The following FAM3D variants were observed in gnomAD, a reference collection of about 807,000 sequenced individuals.
FAM3D encodes protein FAM3D.
FAM3D carries 26 observed loss-of-function variants against 29.8 expected under a neutral mutation model. That is an observed-to-expected ratio of 0.87 (90% CI 0.64 to 1.21). The LOEUF is 1.21. FAM3D is among the 50% of genes most tolerant of loss of function. The pLI is 0.00. For missense variants in FAM3D, 253 were observed against 290.9 expected, an observed-to-expected ratio of 0.87 and a Z score of 0.95; for synonymous variants, 115 against 102.3, an observed-to-expected ratio of 1.12 and a Z score of -0.75.
intron 8 of FAM3D, 84 bp from the exon 9 acceptor site, chr3:58,636,504 C>T: frequency 1.3e-6 from 2 of 1,558,518 alleles, no homozygotes; most frequent in Non-Finnish European, 8.7e-7. Flanking sequence ...GGGCAAGGTT[C>T]CCACTCTTCT....
At chr3:58,655,364 T>C (rs1047183413) in intron 2 of FAM3D, among the ~76,000 whole-genome samples, 187 bp downstream of exon 2, 12 of 152,184 alleles carry the variant, frequency 7.9e-5, no homozygotes, top group African/African-American at 2.9e-4. Context: ...TGTGCAAAAG[T>C]TCCTCATGCC....
In FAM3D at chr3:58,659,254, CA is replaced by C. The variant is rs748547322; in HGVS notation, c.-38-3654del. On this transcript the variant is annotated intron_variant, in intron 1 of 9. Coordinates refer to ENST00000358781, the MANE Select transcript of FAM3D (RefSeq NM_138805.3). ...GCCTCTCGCTAGTGCACCTCCAGGG[CA>C]CGATTCCTATACGGATGTTTGCTCT... Among the ~76,000 whole-genome samples, 3 of 152,186 alleles carry C rather than the reference CA, an allele frequency of 2.0e-5. No homozygotes were observed. In the South Asian group the frequency reaches 6.2e-4, roughly 32 times the overall value.
At chr3:58,646,602 GGA>G (rs2066489012) in intron 4 of FAM3D, among the ~76,000 whole-genome samples, 1 of 152,206 alleles carries the variant, frequency 6.6e-6, no homozygotes, top group Non-Finnish European at 1.5e-5. Flanking sequence ...GGGTAAACAT[GGA>G]TTTGGAGAAT....
chr3:58,636,984 A>G (rs2066188852), intron 8 of FAM3D, among the ~76,000 whole-genome samples, 157 bp downstream of exon 8: 2 of 151,926 alleles, frequency 1.3e-5, no homozygotes, highest in Admixed American at 1.3e-4. Flanking sequence ...GCTGTGATGA[A>G]CCTCCTAGAA....
chr3:58,656,576 G>T (rs943395342), intron 1 of FAM3D, among the ~76,000 whole-genome samples: 1 of 152,118 alleles, frequency 6.6e-6, no homozygotes, highest in African/African-American at 2.4e-5. Flanking sequence ...CCCCCAGAAG[G>T]TCTGTGGAGA....
intron 7 of FAM3D, among the ~76,000 whole-genome samples, chr3:58,638,362 G>T (rs916128861): frequency 5.9e-5 from 9 of 152,144 alleles, no homozygotes; most frequent in African/African-American, 2.2e-4. Flanking sequence ...GGTGCAACTC[G>T]AGTGGGCTCA....
chr3:58,665,485 AT>A (rs1300961947), intron 1 of FAM3D, among the ~76,000 whole-genome samples: 1 of 152,126 alleles, frequency 6.6e-6, no homozygotes, highest in Non-Finnish European at 1.5e-5. Context: ...GAAAATGACT[AT>A]CTGTGCAAGT....
rs551858610 is a variant in FAM3D, at chr3:58,648,103, A to T, written c.145+1212T>A. Among the ~76,000 whole-genome samples, 60 of 152,324 alleles carry T rather than the reference A, an allele frequency of 3.9e-4. 1 individual carries two copies. Among genetic ancestry groups the T allele is most frequent in the Admixed American group, 3.9e-3 (60 of 15,296 alleles). ...GGGAACAGGCAGGGTGGAAAACAGC[A>T]TGTGTGCTTGAATTTGCTATCCCCC... On this transcript the variant is annotated intron_variant, in intron 4 of 9. Transcript: ENST00000358781.
intron 4 of FAM3D, among the ~76,000 whole-genome samples, chr3:58,646,411 G>C (rs1349600586): frequency 1.3e-5 from 2 of 152,224 alleles, no homozygotes; most frequent in African/African-American, 4.8e-5. Context: ...AAATTGGGGA[G>C]GTCCATGCCT....
At chr3:58,660,065 A>C (rs1003782643) in intron 1 of FAM3D, among the ~76,000 whole-genome samples, 3 of 152,172 alleles carry the variant, frequency 2.0e-5, no homozygotes, top group Non-Finnish European at 4.4e-5. Flanking sequence ...TTCTGTGTGC[A>C]TGAGTGCGGG....
At chr3:58,665,012 G>C (rs1444184) in intron 1 of FAM3D, among the ~76,000 whole-genome samples, 145,859 of 152,278 alleles carry the variant, frequency 0.96, 70,197 homozygotes, top group East Asian at 1. Context: ...ATCCCCCACC[G>C]CAGGGAAGTG....
chr3:58,664,998 G>T (rs1263136880), intron 1 of FAM3D, among the ~76,000 whole-genome samples: 2 of 152,190 alleles, frequency 1.3e-5, no homozygotes, highest in Non-Finnish European at 2.9e-5. Flanking sequence ...TGATGACTTC[G>T]AGCATCCCCC....
chr3:58,645,109 G>A (rs553274254), intron 5 of FAM3D, among the ~76,000 whole-genome samples: 32 of 152,316 alleles, frequency 2.1e-4, no homozygotes, highest in African/African-American at 6.5e-4. Context: ...GGGCTTTGAT[G>A]CCTGGGTCAG....
intron 7 of FAM3D, among the ~76,000 whole-genome samples, chr3:58,639,346 A>C (rs2066263577): frequency 6.6e-6 from 1 of 152,190 alleles, no homozygotes; most frequent in Non-Finnish European, 1.5e-5. Flanking sequence ...AGCTGCCTCT[A>C]TGTCACAGAT....
rs2066112572 is a variant in FAM3D at position 58,634,692 on chromosome 3, A to G, written c.586-324T>C. Among the ~76,000 whole-genome samples the G allele has an allele frequency of 6.6e-6, 1 of 152,118 alleles. No individual in the cohort carries two copies. Among genetic ancestry groups the G allele is most frequent in the African/African-American group, 2.4e-5 (1 of 41,400 alleles). ...CAACAATAAAAAGAAGACTCCGACC[A>G]TGTCTTGAGCGCTTGCTGTATGCCA... On this transcript the variant is annotated intron_variant, in intron 9 of 9. Transcript: ENST00000358781. This position sits in a 1 kb window ranked among gnomAD's most constrained non-coding sequence, Gnocchi z 4.6.
At chr3:58,637,020 A>G in intron 8 of FAM3D, 121 bp downstream of exon 8, 1 of 798,688 alleles carries the variant, frequency 1.3e-6, no homozygotes, top group Non-Finnish European at 2.1e-6. Context: ...TTGTCTGATA[A>G]TTTCCTCGAG....
chr3:58,660,382 G>T (rs1289882252), intron 1 of FAM3D, among the ~76,000 whole-genome samples: 1 of 152,168 alleles, frequency 6.6e-6, no homozygotes, highest in Non-Finnish European at 1.5e-5. Flanking sequence ...TGTGACCCAG[G>T]CCTGTGTGAA....
In FAM3D at chr3:58,634,211, C is replaced by T. The variant is rs564152297; in HGVS notation, c.*68G>A. On this transcript the variant is annotated 3_prime_UTR_variant, in exon 10 of 10. Coordinates refer to ENST00000358781, the MANE Select transcript of FAM3D (RefSeq NM_138805.3). The surrounding 1 kb of genome is among the most constrained non-coding windows in gnomAD (Gnocchi z 4.6). ...CCTGCTCCTCCTCCTCAGCCCCTGC[C>T]GGGCTCTGACTCCTAAGTCAGGCAG... 26 of 1,463,232 alleles carry T rather than the reference C, an allele frequency of 1.8e-5. No homozygotes were observed. Among genetic ancestry groups the T allele is most frequent in the South Asian group, 9.5e-5 (8 of 83,788 alleles). 90.6% of individuals were successfully genotyped at this position (1,463,232 alleles called of 1,614,324 possible). A position where few individuals can be genotyped will look rare whatever the true frequency, so the allele number is the denominator to read the frequency against.
chr3:58,664,890 G>A (rs907082234), intron 1 of FAM3D, among the ~76,000 whole-genome samples: 3 of 152,180 alleles, frequency 2.0e-5, no homozygotes, highest in East Asian at 1.9e-4. Context: ...CAGGCTTGTC[G>A]GCTGCCCACT....
Sources: gnomAD v4.1 joint callset for allele counts (sites outside exome capture counted in the v4.1 genomes callset) on GRCh38, gnomAD v4.1.1 for gene constraint, Gnocchi (gnomAD v3.1) non-coding constraint, MANE v1.5 for transcripts, NCBI Gene and HGNC (gene_info 2026-07-23, HGNC 2026-07-21) for gene names.